The following COL24A1 variants were observed in gnomAD, a reference collection of about 807,000 sequenced individuals.
COL24A1 encodes collagen type XXIV alpha 1 chain, also known as collagen alpha-1(XXIV) chain.
A neutral mutation model predicts 253.9 loss-of-function variants in COL24A1; 224 were observed. The ratio of observed to expected loss-of-function variants is 0.88; its 90% CI spans 0.79 to 0.99. COL24A1 has a LOEUF of 0.99. Ranked by LOEUF, COL24A1 falls within the 50% of genes least tolerant of loss-of-function variation. The pLI is 0.00. For missense variants in COL24A1, 2,131 were observed against 2,068.5 expected, an observed-to-expected ratio of 1.03 and a Z score of -0.59; for synonymous variants, 685 against 673.7, an observed-to-expected ratio of 1.02 and a Z score of -0.26.
intron 43 of COL24A1, among the ~76,000 whole-genome samples, chr1:85,826,890 C>T (rs1344395732): frequency 1.3e-5 from 2 of 152,176 alleles, no homozygotes; most frequent in Non-Finnish European, 2.9e-5. Context: ...ATTTGACTTC[C>T]TCTTTTCCTA....
intron 1 of COL24A1, among the ~76,000 whole-genome samples, chr1:86,148,167 T>C (rs1652173830): frequency 6.7e-6 from 1 of 150,286 alleles, no homozygotes; most frequent in Non-Finnish European, 1.5e-5. Context: ...ACCTGGGGAG[T>C]TTTGTTTTGT....
chr1:86,059,585 C>T (rs1234216606), intron 8 of COL24A1, among the ~76,000 whole-genome samples: 3 of 152,122 alleles, frequency 2.0e-5, no homozygotes, highest in Non-Finnish European at 2.9e-5. Flanking sequence ...GGCAGTAAAC[C>T]ACAAAACCAA....
intron 8 of COL24A1, among the ~76,000 whole-genome samples, chr1:86,059,886 A>G (rs1441317398): frequency 6.6e-6 from 1 of 152,174 alleles, no homozygotes; most frequent in Non-Finnish European, 1.5e-5. Context: ...AAAAGTCAGC[A>G]GTCTGTAATC....
chr1:85,966,744 A>G (rs1038221947), intron 22 of COL24A1, among the ~76,000 whole-genome samples: 1 of 152,182 alleles, frequency 6.6e-6, no homozygotes, highest in Non-Finnish European at 1.5e-5. Flanking sequence ...CCAGCAATAC[A>G]GAAACCACTG....
intron 55 of COL24A1, 48 bp from the exon 56 acceptor site, chr1:85,745,554 G>C (rs761125441): frequency 7.4e-7 from 1 of 1,354,868 alleles, no homozygotes; most frequent in East Asian, 2.4e-5. Context: ...TCAACACTGA[G>C]TGCCCTAAAG....
chr1:85,941,737 G>A (rs1688777720), intron 24 of COL24A1, among the ~76,000 whole-genome samples: 1 of 152,150 alleles, frequency 6.6e-6, no homozygotes, highest in African/African-American at 2.4e-5. Flanking sequence ...ACAGGAAGCA[G>A]GCTTTGTGAC....
intron 32 of COL24A1, among the ~76,000 whole-genome samples, chr1:85,886,691 A>ACC (rs1682549426): frequency 6.6e-6 from 1 of 152,022 alleles, no homozygotes; most frequent in African/African-American, 2.4e-5. Context: ...ATGGTTGCTA[A>ACC]ATTTTAGACT....
At chr1:86,128,622 G>A (rs1179393320) in intron 2 of COL24A1, among the ~76,000 whole-genome samples, 1 of 151,834 alleles carries the variant, frequency 6.6e-6, no homozygotes, top group South Asian at 2.1e-4. Context: ...ATATCATTGG[G>A]AGGAGTATTA....
At chr1:85,896,294 A>C in intron 29 of COL24A1, 62 bp downstream of exon 29, 1 of 1,421,998 alleles carries the variant, frequency 7.0e-7, no homozygotes, top group South Asian at 1.2e-5. Context: ...TTTTTAGACT[A>C]GTAGGACATA....
At chr1:85,999,713 C>T (rs146553558) in intron 19 of COL24A1, among the ~76,000 whole-genome samples, 1 of 151,950 alleles carries the variant, frequency 6.6e-6, no homozygotes, top group African/African-American at 2.4e-5. Flanking sequence ...AAGACTCTAT[C>T]TCCTTGTAGA....
Position 85,872,111 on chromosome 1 carries a change from A to C in COL24A1, c.3138+2538T>G, listed in dbSNP as rs572937263. 2.2e-4 allele frequency among the ~76,000 whole-genome samples: 33 copies of C among 152,326 alleles called. 1 individual carries two copies. The South Asian group carries it at 6.4e-3, about 30-fold the overall frequency. ...CATTCACAATTGCTTCAAAGAGAAT[A>C]AAATACCTAGGAATCCAGCTTACAA... is the stretch of plus-strand genomic sequence containing the variant. On this transcript the variant is annotated intron_variant, in intron 35 of 59. Transcript: ENST00000370571.
intron 24 of COL24A1, among the ~76,000 whole-genome samples, chr1:85,950,323 G>A (rs569355887): frequency 6.6e-6 from 1 of 152,280 alleles, no homozygotes; most frequent in South Asian, 2.1e-4. Context: ...GTAAAGAATG[G>A]ATGCAAAACA....
chr1:85,776,694 T>C (rs985649483), intron 52 of COL24A1, among the ~76,000 whole-genome samples: 3 of 151,966 alleles, frequency 2.0e-5, no homozygotes, highest in African/African-American at 7.2e-5. Flanking sequence ...TTGTTAGCAG[T>C]GTTGTGAGAG....
intron 52 of COL24A1, among the ~76,000 whole-genome samples, chr1:85,777,480 C>T (rs1668669339): frequency 6.6e-6 from 1 of 151,950 alleles, no homozygotes; most frequent in Admixed American, 6.6e-5. Flanking sequence ...ACTGAGTCAG[C>T]CAAACTAGAT....
At chr1:85,861,367 CA>C (rs1279102097) in intron 37 of COL24A1, among the ~76,000 whole-genome samples, 23 of 152,224 alleles carry the variant, frequency 1.5e-4, no homozygotes, top group African/African-American at 5.5e-4. Context: ...AGTCCCTTAT[CA>C]TATATGATTT....
intron 11 of COL24A1, among the ~76,000 whole-genome samples, chr1:86,047,511 T>G (rs1699994025): frequency 6.6e-6 from 1 of 152,178 alleles, no homozygotes; most frequent in Non-Finnish European, 1.5e-5. Flanking sequence ...ATACTTCCTC[T>G]GTGTGTGCCT....
intron 20 of COL24A1, among the ~76,000 whole-genome samples, chr1:85,986,325 C>A (rs1171395726): frequency 2.6e-5 from 4 of 151,660 alleles, no homozygotes; most frequent in Non-Finnish European, 4.4e-5. Flanking sequence ...TTATTTATTG[C>A]CTAGTTTTCC....
chr1:86,079,336 A>C (rs765257002), intron 7 of COL24A1, among the ~76,000 whole-genome samples: 2 of 152,186 alleles, frequency 1.3e-5, no homozygotes, highest in Admixed American at 1.3e-4. Context: ...CTAAAACCTC[A>C]AACTATGAAA....
chr1:86,138,267 G>A (rs746409148), intron 2 of COL24A1, among the ~76,000 whole-genome samples: 12 of 152,064 alleles, frequency 7.9e-5, no homozygotes, highest in Non-Finnish European at 1.6e-4. Context: ...AACGAATTTT[G>A]GTAAGTTCTG....
Sources: allele counts gnomAD v4.1 joint callset (sites outside exome capture counted in the v4.1 genomes callset), GRCh38; gene constraint gnomAD v4.1.1; transcripts MANE v1.5; gene names NCBI Gene and HGNC (gene_info 2026-07-23, HGNC 2026-07-21).